DOCK4: variants seen among roughly 807,000 people sequenced by gnomAD.
DOCK4 encodes the protein dedicator of cytokinesis 4, also known as dedicator of cytokinesis protein 4.
A neutral mutation model predicts 268.1 loss-of-function variants in DOCK4; 97 were observed. The ratio of observed to expected loss-of-function variants is 0.36; its 90% CI spans 0.31 to 0.43. The LOEUF is 0.43. Among genes scored for constraint, DOCK4 ranks in the 20% least tolerant of loss-of-function variants. DOCK4 has a pLI of 1.00. For synonymous variants in DOCK4, 954 were observed against 887.2 expected (o/e 1.08, Z -1.34); for missense variants, 2,145 against 2,455.7 (o/e 0.87, Z 2.67).
intron 12 of DOCK4, among the ~76,000 whole-genome samples, chr7:111,927,541 G>C (rs1029875992): frequency 7.2e-5 from 11 of 152,134 alleles, no homozygotes; most frequent in Admixed American, 3.9e-4. Flanking sequence ...TTTTAACTAA[G>C]GGGAATTTTT....
chr7:111,794,056 T>G (rs1799728294), intron 30 of DOCK4, among the ~76,000 whole-genome samples: 1 of 151,290 alleles, frequency 6.6e-6, no homozygotes, highest in Non-Finnish European at 1.5e-5. Context: ...ACTGGGAGAG[T>G]GTGGAAGATG....
chr7:111,979,746 CT>C (rs1798468648), intron 7 of DOCK4, among the ~76,000 whole-genome samples: 1 of 152,202 alleles, frequency 6.6e-6, no homozygotes, highest in East Asian at 1.9e-4. Flanking sequence ...GATATCCTCT[CT>C]TAACCTCAAA....
At chr7:111,890,828 CT>C (rs1250591815) in intron 16 of DOCK4, among the ~76,000 whole-genome samples, 6 of 152,330 alleles carry the variant, frequency 3.9e-5, no homozygotes, top group Non-Finnish European at 5.9e-5. Context: ...AGGATTGAGT[CT>C]TTTAAACTAA....
chr7:112,193,219 C>G (rs1242508468), intron 1 of DOCK4, among the ~76,000 whole-genome samples: 1 of 152,132 alleles, frequency 6.6e-6, no homozygotes, highest in Non-Finnish European at 1.5e-5. Context: ...TGTGACAACT[C>G]AAGACAATGT....
At chr7:111,901,310 G>T (rs1347401977) in intron 14 of DOCK4, among the ~76,000 whole-genome samples, 1 of 136,842 alleles carries the variant, frequency 7.3e-6, no homozygotes, top group Non-Finnish European at 1.5e-5. Flanking sequence ...CTCCAGTCTG[G>T]TGACAGAATA....
intron 4 of DOCK4, among the ~76,000 whole-genome samples, chr7:111,996,441 T>C (rs748576865): frequency 6.6e-6 from 1 of 152,196 alleles, no homozygotes; most frequent in Non-Finnish European, 1.5e-5. Context: ...CATTATTTCA[T>C]CCTAGTGGGC....
At chr7:111,848,106 C>A (rs565028240) in intron 23 of DOCK4, among the ~76,000 whole-genome samples, 1 of 152,282 alleles carries the variant, frequency 6.6e-6, no homozygotes, top group South Asian at 2.1e-4. Flanking sequence ...TGAATTATTT[C>A]TAGGATTATT....
chr7:111,818,352 C>G (rs1253180700), intron 27 of DOCK4, among the ~76,000 whole-genome samples: 1 of 152,174 alleles, frequency 6.6e-6, no homozygotes, highest in Non-Finnish European at 1.5e-5. Flanking sequence ...TCTAGTACAC[C>G]TCAAACTTAT....
intron 26 of DOCK4, among the ~76,000 whole-genome samples, chr7:111,826,364 C>G (rs1459977947): frequency 6.6e-6 from 1 of 152,106 alleles, no homozygotes; most frequent in Non-Finnish European, 1.5e-5. Flanking sequence ...ATCCTGCAGG[C>G]ATTGTGGAGA....
intron 8 of DOCK4, among the ~76,000 whole-genome samples, chr7:111,959,542 G>A (rs1336806273): frequency 6.6e-6 from 1 of 152,156 alleles, no homozygotes. Context: ...GAGTGAAAAA[G>A]CCATATCTGC....
At chr7:111,734,796 C>T (rs1407110384) in intron 51 of DOCK4, among the ~76,000 whole-genome samples, 6 of 152,084 alleles carry the variant, frequency 3.9e-5, no homozygotes, top group Admixed American at 6.5e-5. Context: ...GGTGCCTCCC[C>T]GAATTTGAGA....
At chr7:111,975,008 A>G (rs1364594147) in intron 8 of DOCK4, among the ~76,000 whole-genome samples, 1 of 152,174 alleles carries the variant, frequency 6.6e-6, no homozygotes, top group African/African-American at 2.4e-5. Flanking sequence ...GCTCATGCCT[A>G]TAATCCCCAG....
At chr7:111,798,563 G>A (rs533798165) in intron 30 of DOCK4, among the ~76,000 whole-genome samples, 60 of 152,140 alleles carry the variant, frequency 3.9e-4, no homozygotes, top group African/African-American at 1.4e-3. Context: ...AGCTCTACTA[G>A]GCAAAAAAAG....
intron 1 of DOCK4, among the ~76,000 whole-genome samples, chr7:112,195,209 G>A (rs1820312523): frequency 6.6e-6 from 1 of 152,168 alleles, no homozygotes; most frequent in South Asian, 2.1e-4. Flanking sequence ...AACCTGGGAA[G>A]CAGAGGTTGT....
intron 1 of DOCK4, among the ~76,000 whole-genome samples, chr7:112,019,921 T>G (rs1459930813): frequency 6.6e-6 from 1 of 152,212 alleles, no homozygotes; most frequent in Admixed American, 6.5e-5. Context: ...AAAGTCAATT[T>G]GTTTGTTTGC....
At chr7:112,184,810 AG>A (rs1361675469) in intron 1 of DOCK4, among the ~76,000 whole-genome samples, 1 of 152,054 alleles carries the variant, frequency 6.6e-6, no homozygotes, top group Non-Finnish European at 1.5e-5. Flanking sequence ...GAGCTTGCAG[AG>A]GGTGTTGAGA....
At chr7:111,847,506 T>C (rs1804207100) in intron 23 of DOCK4, among the ~76,000 whole-genome samples, 1 of 152,106 alleles carries the variant, frequency 6.6e-6, no homozygotes, top group Admixed American at 6.5e-5. Context: ...ATAGTTTGGC[T>C]GTGTCCCCAC....
chr7:112,027,111 T>G (rs1802866103), intron 1 of DOCK4, among the ~76,000 whole-genome samples: 1 of 152,178 alleles, frequency 6.6e-6, no homozygotes, highest in African/African-American at 2.4e-5. Flanking sequence ...ACAAATACAT[T>G]GGAGAAATCT....
At chr7:111,936,703 G>A (rs1794774206) in intron 11 of DOCK4, among the ~76,000 whole-genome samples, 2 of 152,158 alleles carry the variant, frequency 1.3e-5, no homozygotes, top group African/African-American at 2.4e-5. Context: ...CTCCCAAGAG[G>A]CCTGAACATC....
Sources: allele counts gnomAD v4.1 joint callset (sites outside exome capture counted in the v4.1 genomes callset), GRCh38; gene constraint gnomAD v4.1.1; transcripts MANE v1.5; gene names NCBI Gene and HGNC (gene_info 2026-07-23, HGNC 2026-07-21).